ZFPM2: variants seen among roughly 807,000 people sequenced by gnomAD.
ZFPM2 encodes zinc finger protein ZFPM2.
ZFPM2 carries 20 observed loss-of-function variants against 98.6 expected under a neutral mutation model. The ratio of observed to expected loss-of-function variants is 0.20; its 90% confidence interval spans 0.14 to 0.29. The LOEUF (loss-of-function observed/expected upper bound fraction) is 0.29. ZFPM2 is among the 10% of genes least tolerant of loss of function. The probability of loss-of-function intolerance (pLI) is 1.00; values close to 1 mark genes in which losing one functional copy is unlikely to be tolerated. For missense variants in ZFPM2, 1,310 were observed against 1,388.6 expected, an observed-to-expected ratio of 0.94 and a Z score of 0.90; for synonymous variants, 518 against 502.7, an observed-to-expected ratio of 1.03 and a Z score of -0.41.
intron 3 of ZFPM2, among the ~76,000 whole-genome samples, chr8:105,523,447 C>T (rs2130556129): frequency 6.6e-6 from 1 of 152,320 alleles, no homozygotes; most frequent in Middle Eastern, 3.4e-3. Context: ...GCTCGCCCTG[C>T]TCTTGTGTTG....
At chr8:105,500,218 A>T (rs1813562915) in intron 3 of ZFPM2, among the ~76,000 whole-genome samples, 1 of 152,210 alleles carries the variant, frequency 6.6e-6, no homozygotes, top group African/African-American at 2.4e-5. Context: ...AATACATAGC[A>T]TATTATTTAT....
intron 5 of ZFPM2, among the ~76,000 whole-genome samples, chr8:105,670,413 A>G (rs373714897): frequency 1.3e-4 from 19 of 145,858 alleles, no homozygotes; most frequent in African/African-American, 4.6e-4. Context: ...GGAGAATGGC[A>G]TGAACCCGGG....
At chr8:105,572,281 C>G (rs1258751161) in intron 4 of ZFPM2, among the ~76,000 whole-genome samples, 1 of 152,094 alleles carries the variant, frequency 6.6e-6, no homozygotes, top group Non-Finnish European at 1.5e-5. Flanking sequence ...TTGTGATCGC[C>G]TGCCTTGGCC....
At chr8:105,488,350 C>A (rs1175023007) in intron 3 of ZFPM2, among the ~76,000 whole-genome samples, 1 of 152,156 alleles carries the variant, frequency 6.6e-6, no homozygotes, top group Non-Finnish European at 1.5e-5. Context: ...CGTGCATTTC[C>A]ATTCAGTGGC....
chr8:105,511,878 G>T (rs773109782), intron 3 of ZFPM2, among the ~76,000 whole-genome samples: 7 of 152,184 alleles, frequency 4.6e-5, no homozygotes, highest in Non-Finnish European at 1.0e-4. Flanking sequence ...AGACGGGGTG[G>T]TTCGTGCCTG....
chr8:105,708,428 ATTGT>A (rs897594788), intron 5 of ZFPM2, among the ~76,000 whole-genome samples: 13 of 151,228 alleles, frequency 8.6e-5, no homozygotes, highest in Admixed American at 5.9e-4. Context: ...TTTCGTTGCC[ATTGT>A]TTGTTTGTTT....
chr8:105,688,568 A>G (rs1223301025), intron 5 of ZFPM2, among the ~76,000 whole-genome samples: 1 of 152,162 alleles, frequency 6.6e-6, no homozygotes, highest in African/African-American at 2.4e-5. Context: ...AAGACATTTA[A>G]CTTTTCTATA....
chr8:105,682,417 G>C (rs1033204082), intron 5 of ZFPM2, among the ~76,000 whole-genome samples: 1 of 152,142 alleles, frequency 6.6e-6, no homozygotes, highest in Non-Finnish European at 1.5e-5. Context: ...AGTATTGCTG[G>C]AGCATTTGAA....
intron 5 of ZFPM2, among the ~76,000 whole-genome samples, chr8:105,720,780 A>G (rs11990594): frequency 0.059 from 9,000 of 151,880 alleles, 906 homozygotes; most frequent in African/African-American, 0.2. Flanking sequence ...AAGCTTACCA[A>G]TAGCTCTATC....
At chr8:105,326,290 A>C (rs1295900645) in intron 1 of ZFPM2, among the ~76,000 whole-genome samples, 1 of 151,766 alleles carries the variant, frequency 6.6e-6, no homozygotes, top group Non-Finnish European at 1.5e-5. Flanking sequence ...CTGATTACTT[A>C]AAATGAGCAT....
At chr8:105,762,730 A>G (rs1812760071) in intron 5 of ZFPM2, among the ~76,000 whole-genome samples, 1 of 151,934 alleles carries the variant, frequency 6.6e-6, no homozygotes, top group Admixed American at 6.6e-5. Context: ...ACATCATTTC[A>G]CAATTGCTTT....
intron 5 of ZFPM2, among the ~76,000 whole-genome samples, chr8:105,706,871 C>T (rs899286098): frequency 1.3e-4 from 20 of 152,164 alleles, no homozygotes; most frequent in East Asian, 3.9e-4. Context: ...TGAACCACCA[C>T]GCCCTGCCCC....
At chr8:105,619,384 TATA>T (rs1207363561) in intron 4 of ZFPM2, among the ~76,000 whole-genome samples, 1 of 152,082 alleles carries the variant, frequency 6.6e-6, no homozygotes, top group African/African-American at 2.4e-5. Context: ...TTATTATTAA[TATA>T]TTGTGAACAT....
At chr8:105,719,804 C>T (rs1811613875) in intron 5 of ZFPM2, among the ~76,000 whole-genome samples, 1 of 151,862 alleles carries the variant, frequency 6.6e-6, no homozygotes, top group African/African-American at 2.4e-5. Flanking sequence ...CAGGAGTGAA[C>T]AATATAATTA....
In ZFPM2 at chr8:105,326,452, C is replaced by G. The variant is rs190312220; in HGVS notation, c.40+7471C>G. Among the ~76,000 whole-genome samples the G allele has an allele frequency of 1.2e-3, 178 of 151,682 alleles. 2 individuals are homozygous for G. The highest frequency in any genetic ancestry group is 4.1e-3 in the African/African-American group (170 of 41,468). ...TTAAATGTTTGTAGATTGGGGAACT[C>G]TATATGCAGCTTACAATTTCAGAGA... is the stretch of plus-strand genomic sequence containing the variant. On this transcript the variant is annotated intron_variant, in intron 1 of 7. Transcript: ENST00000407775.
chr8:105,739,620 T>A (rs911210454), intron 5 of ZFPM2, among the ~76,000 whole-genome samples: 24 of 151,924 alleles, frequency 1.6e-4, no homozygotes, highest in Admixed American at 3.3e-4. Context: ...TTTTTTTTTT[T>A]ATTTTGTCAT....
intron 1 of ZFPM2, among the ~76,000 whole-genome samples, chr8:105,379,944 CTTGATCTT>C (rs1328023742): frequency 1.3e-5 from 2 of 152,036 alleles, no homozygotes; most frequent in Non-Finnish European, 2.9e-5. Flanking sequence ...AGGATGGGGT[CTTGATCTT>C]ATTCATTATT....
chr8:105,394,092 A>G (rs1201173332), intron 1 of ZFPM2, among the ~76,000 whole-genome samples: 2 of 151,806 alleles, frequency 1.3e-5, no homozygotes, highest in Non-Finnish European at 2.9e-5. Flanking sequence ...TCGGGGTTTC[A>G]CCGTGTTAGC....
In ZFPM2 at chr8:105,467,630, T is replaced by C. The variant is rs567827874; in HGVS notation, c.301+23249T>C. On this transcript the variant is annotated intron_variant, in intron 3 of 7. Transcript: ENST00000407775. ...GTTTAAAATTCAGGTAGTTACCATG[T>C]CACCATTAAATATATTAAAGCACTT... is the stretch of plus-strand genomic sequence containing the variant. 4.6e-5 allele frequency among the ~76,000 whole-genome samples: 7 copies of C among 152,234 alleles called. No homozygotes were observed. In the South Asian group the frequency reaches 1.4e-3, roughly 32 times the overall value.
Sources: allele counts gnomAD v4.1 joint callset (sites outside exome capture counted in the v4.1 genomes callset), GRCh38; gene constraint gnomAD v4.1.1; transcripts MANE v1.5; gene names NCBI Gene and HGNC (gene_info 2026-07-23, HGNC 2026-07-21).